Variants in FANCB observed in about 807,000 individuals in gnomAD.
FANCB encodes the protein Fanconi anemia group B protein.
FANCB carries 5 observed loss-of-function variants against 38.9 expected under a neutral mutation model. The observed-to-expected ratio is 0.13, with a 90% CI of 0.07 to 0.27. FANCB has a LOEUF of 0.27. FANCB is among the 10% of genes least tolerant of loss of function. The probability of loss-of-function intolerance (pLI) is 1.00; values close to 1 mark genes in which losing one functional copy is unlikely to be tolerated. For missense variants in FANCB, 573 were observed against 602.7 expected (o/e 0.95, Z 0.52); for synonymous variants, 236 against 215.4 (o/e 1.10, Z -0.84).
At chrX:14,761,694 A>C in the FANCB span, among the ~76,000 whole-genome samples, 2 of 111,291 alleles carry the variant, frequency 1.8e-5, no homozygotes, top group African/African-American at 6.5e-5. Flanking sequence ...ATCTGGGCAA[A>C]GGCTAAACTT....
At chrX:14,737,983 G>A in the FANCB span, among the ~76,000 whole-genome samples, 1 of 111,563 alleles carries the variant, frequency 9.0e-6, no homozygotes, top group East Asian at 2.8e-4. Flanking sequence ...GGCACTTTAG[G>A]GAGAAAATCC....
At chrX:14,763,724 G>T in the FANCB span, among the ~76,000 whole-genome samples, 1 of 111,647 alleles carries the variant, frequency 9.0e-6, no homozygotes, top group Non-Finnish European at 1.9e-5. Flanking sequence ...CCTGGCTAAT[G>T]CTTGCTCCTA....
intron 10 of FANCB, among the ~76,000 whole-genome samples, chrX:14,837,532 C>T (rs1321323848): frequency 8.9e-6 from 1 of 112,248 alleles, no homozygotes; most frequent in Non-Finnish European, 1.9e-5. Flanking sequence ...AGAGATAAAA[C>T]TCAGCTGGGG....
chrX:14,689,799 G>C, the FANCB span, among the ~76,000 whole-genome samples: 1 of 112,040 alleles, frequency 8.9e-6, no homozygotes, highest in African/African-American at 3.2e-5. Context: ...ATATTTTATA[G>C]CTTCCTCCAA....
At chrX:14,779,696 C>T in the FANCB span, among the ~76,000 whole-genome samples, 2 of 110,587 alleles carry the variant, frequency 1.8e-5, 1 homozygote, top group African/African-American at 6.8e-5. Flanking sequence ...TGTTGCAGCA[C>T]AGAATGGACT....
the FANCB span, among the ~76,000 whole-genome samples, chrX:14,830,386 C>CA: frequency 9.0e-6 from 1 of 111,159 alleles, no homozygotes; most frequent in Non-Finnish European, 1.9e-5. Context: ...GTGGAGCTTT[C>CA]AATTTGTAAA....
chrX:14,843,996 C>G lies in FANCB; in HGVS notation c.2166-15G>C, dbSNP rs766381118. 1.7e-6 allele frequency: 2 copies of G among 1,189,247 alleles called. No homozygotes were observed. The highest frequency in any genetic ancestry group is 1.8e-5 in the African/African-American group (1 of 56,672). ...CTGTTTGATTCCTAAAATAAAAAAA[C>G]AAACAAAATATTACAAAAATTAGGA... On this transcript the variant is annotated splice_polypyrimidine_tract_variant and intron_variant, in intron 9 of 9. Transcript: ENST00000650831.
chrX:14,844,268 C>T (rs1357788802), intron 9 of FANCB, among the ~76,000 whole-genome samples: 1 of 110,282 alleles, frequency 9.1e-6, no homozygotes, highest in Non-Finnish European at 1.9e-5. Flanking sequence ...GGAGAGGTAA[C>T]GGGAAATCTC....
At chrX:14,858,658 A>G (rs968295027) in intron 4 of FANCB, among the ~76,000 whole-genome samples, 2 of 111,314 alleles carry the variant, frequency 1.8e-5, no homozygotes, top group African/African-American at 6.5e-5. Flanking sequence ...CTGGGCTCTC[A>G]TTAGCTTTTT....
At chrX:14,730,633 G>GA in the FANCB span, 27 of 440,310 alleles carry the variant, frequency 6.1e-5, no homozygotes, top group Non-Finnish European at 8.2e-5. Context: ...GCACCTACAT[G>GA]AAAAAAAAGA....
At chrX:14,734,843 A>G in the FANCB span, among the ~76,000 whole-genome samples, 417 of 109,157 alleles carry the variant, frequency 3.8e-3, 2 homozygotes, top group African/African-American at 0.013. Flanking sequence ...CATTCTCCCC[A>G]TCAATTTCAG....
the FANCB span, among the ~76,000 whole-genome samples, chrX:14,695,142 C>T: frequency 9.7e-6 from 1 of 103,153 alleles, no homozygotes; most frequent in African/African-American, 3.5e-5. Flanking sequence ...TGAGATTACA[C>T]ATTGAGATAA....
At chrX:14,851,248 G>A (rs2092400396) in intron 6 of FANCB, among the ~76,000 whole-genome samples, 1 of 111,748 alleles carries the variant, frequency 8.9e-6, no homozygotes, top group African/African-American at 3.3e-5. Context: ...TTTATGCCAG[G>A]CACTGTTCCA....
chrX:14,792,151 C>A, the FANCB span, among the ~76,000 whole-genome samples: 1 of 111,708 alleles, frequency 9.0e-6, no homozygotes, highest in Non-Finnish European at 1.9e-5. Context: ...TAGTTTTTGC[C>A]TGAAATTTAA....
At chrX:14,723,966 T>G in the FANCB span, among the ~76,000 whole-genome samples, 2 of 111,941 alleles carry the variant, frequency 1.8e-5, no homozygotes, top group African/African-American at 3.2e-5. Flanking sequence ...ATCAAATCTA[T>G]TTTGCTCTCC....
the FANCB span, among the ~76,000 whole-genome samples, chrX:14,706,379 C>T: frequency 8.9e-6 from 1 of 112,242 alleles, no homozygotes; most frequent in Non-Finnish European, 1.9e-5. Context: ...GCAATATGCA[C>T]AGTCTAAAAC....
the FANCB span, among the ~76,000 whole-genome samples, chrX:14,713,467 A>G: frequency 4.5e-5 from 5 of 112,050 alleles, no homozygotes; most frequent in Admixed American, 1.9e-4. Flanking sequence ...TATCACAGCC[A>G]TATTATCCAT....
At chrX:14,819,911 C>T in the FANCB span, among the ~76,000 whole-genome samples, 1 of 111,732 alleles carries the variant, frequency 8.9e-6, no homozygotes, top group Admixed American at 9.5e-5. Flanking sequence ...AACCCATTCT[C>T]CAAATTGTAG....
At chrX:14,812,800 C>T in the FANCB span, among the ~76,000 whole-genome samples, 1 of 111,453 alleles carries the variant, frequency 9.0e-6, no homozygotes, top group East Asian at 2.8e-4. Flanking sequence ...AGGGAATCCT[C>T]CCTCACTCAT....
Sources: gnomAD v4.1 joint callset for allele counts (sites outside exome capture counted in the v4.1 genomes callset) on GRCh38, gnomAD v4.1.1 for gene constraint, MANE v1.5 for transcripts, NCBI Gene and HGNC (gene_info 2026-07-23, HGNC 2026-07-21) for gene names.